The following KIAA1958 variants were observed in gnomAD, a reference collection of about 807,000 sequenced individuals.
KIAA1958 encodes KIAA1958, also known as uncharacterized protein KIAA1958.
In KIAA1958, 14 loss-of-function variants were observed where a neutral mutation model predicts 47.2. That is an observed-to-expected ratio of 0.30 (90% confidence interval 0.20 to 0.46). The LOEUF is 0.46. Among genes scored for constraint, KIAA1958 ranks in the 20% least tolerant of loss-of-function variants. The pLI, the probability that KIAA1958 is intolerant of heterozygous loss-of-function variation, is 1.00. For missense variants in KIAA1958, 803 were observed against 909.2 expected (o/e 0.88, Z 1.50); for synonymous variants, 354 against 353.3 (o/e 1.00, Z -0.02).
chr9:112,593,134 T>G (rs1312353134), intron 2 of KIAA1958, among the ~76,000 whole-genome samples: 1 of 152,236 alleles, frequency 6.6e-6, no homozygotes, highest in African/African-American at 2.4e-5. Flanking sequence ...TGATGTGTAT[T>G]GCCTTTTAAA....
At chr9:112,564,091 C>G (rs1420662541) in intron 1 of KIAA1958, among the ~76,000 whole-genome samples, 1 of 152,000 alleles carries the variant, frequency 6.6e-6, no homozygotes, top group Admixed American at 6.6e-5. Context: ...CTATAATTGT[C>G]TTTATTATAT....
chr9:112,490,335 G>A (rs527757441), intron 1 of KIAA1958, among the ~76,000 whole-genome samples: 1 of 152,276 alleles, frequency 6.6e-6, no homozygotes, highest in South Asian at 2.1e-4. Flanking sequence ...AGTTGCCTGA[G>A]GAAGCCCCAC....
chr9:112,539,879 C>T (rs927785215), intron 1 of KIAA1958, among the ~76,000 whole-genome samples: 4 of 151,802 alleles, frequency 2.6e-5, no homozygotes, highest in South Asian at 2.1e-4. Flanking sequence ...TTTTGAGTGA[C>T]GGGGTTTCAC....
intron 1 of KIAA1958, among the ~76,000 whole-genome samples, chr9:112,539,590 GTTCTAAAATTGATTGTGA>G (rs1834906959): frequency 6.6e-6 from 1 of 151,700 alleles, no homozygotes; most frequent in Non-Finnish European, 1.5e-5. Flanking sequence ...TCATGAAGAT[GTTCTAAAATTGATTGTGA>G]TTCTAAAGTC....
intron 2 of KIAA1958, among the ~76,000 whole-genome samples, chr9:112,627,887 T>C (rs1288297151): frequency 6.6e-6 from 1 of 152,276 alleles, no homozygotes; most frequent in African/African-American, 2.4e-5. Flanking sequence ...GGTTGCCTTA[T>C]GGCCATCAGG....
intron 1 of KIAA1958, among the ~76,000 whole-genome samples, chr9:112,495,958 C>T (rs1834045533): frequency 6.6e-6 from 1 of 152,074 alleles, no homozygotes; most frequent in South Asian, 2.1e-4. Context: ...AATCGTGGTG[C>T]CCAGCCAATG....
intron 1 of KIAA1958, among the ~76,000 whole-genome samples, chr9:112,552,651 A>G (rs1434174704): frequency 1.3e-5 from 2 of 152,186 alleles, no homozygotes; most frequent in Non-Finnish European, 2.9e-5. Flanking sequence ...TGAATTTGGG[A>G]TTACTCACTT....
At chr9:112,613,552 C>T (rs536204525) in intron 2 of KIAA1958, among the ~76,000 whole-genome samples, 75 of 152,004 alleles carry the variant, frequency 4.9e-4, no homozygotes, top group African/African-American at 1.7e-3. Context: ...AAAAGGCAAG[C>T]CACAGATTGG....
chr9:112,524,031 T>C (rs755734497), intron 1 of KIAA1958, among the ~76,000 whole-genome samples: 2 of 152,226 alleles, frequency 1.3e-5, no homozygotes, highest in Admixed American at 6.5e-5. Flanking sequence ...CCTATTTCCT[T>C]TTGATTTCAA....
At chr9:112,654,249 G>A (rs1294182384) in intron 3 of KIAA1958, among the ~76,000 whole-genome samples, 1 of 152,122 alleles carries the variant, frequency 6.6e-6, no homozygotes, top group African/African-American at 2.4e-5. Flanking sequence ...TAAAAAATAA[G>A]ATTTTCTACT....
intron 1 of KIAA1958, among the ~76,000 whole-genome samples, chr9:112,550,470 C>T (rs543302286): frequency 2.6e-5 from 4 of 152,214 alleles, no homozygotes; most frequent in African/African-American, 7.2e-5. Flanking sequence ...TTGACTGGGG[C>T]TTTGTGTTGG....
At chr9:112,598,457 C>T (rs910654310) in intron 2 of KIAA1958, among the ~76,000 whole-genome samples, 33 of 152,166 alleles carry the variant, frequency 2.2e-4, no homozygotes, top group African/African-American at 7.7e-4. Context: ...CCAGAAAGCT[C>T]ATACACTCAG....
intron 2 of KIAA1958, among the ~76,000 whole-genome samples, chr9:112,627,404 A>C (rs551665987): frequency 1.7e-4 from 26 of 152,314 alleles, no homozygotes; most frequent in African/African-American, 6.3e-4. Context: ...GAGGACTATG[A>C]GGTGCATACA....
chr9:112,508,139 A>G (rs1348226746), intron 1 of KIAA1958, among the ~76,000 whole-genome samples: 1 of 152,200 alleles, frequency 6.6e-6, no homozygotes, highest in Non-Finnish European at 1.5e-5. Context: ...TTCTTTTAAG[A>G]ATAGAAACCT....
chr9:112,499,994 C>G (rs184011048), intron 1 of KIAA1958, among the ~76,000 whole-genome samples: 1 of 151,986 alleles, frequency 6.6e-6, no homozygotes, highest in Non-Finnish European at 1.5e-5. Context: ...GGCCTCCTAT[C>G]TACATTTTTC....
intron 1 of KIAA1958, among the ~76,000 whole-genome samples, chr9:112,571,225 A>G (rs1588022899): frequency 6.6e-6 from 1 of 152,208 alleles, no homozygotes; most frequent in Non-Finnish European, 1.5e-5. Context: ...TGACACCTGA[A>G]TTTAAGTCCA....
intron 2 of KIAA1958, among the ~76,000 whole-genome samples, chr9:112,644,406 T>G (rs986578468): frequency 2.0e-5 from 3 of 152,152 alleles, no homozygotes; most frequent in African/African-American, 7.2e-5. Flanking sequence ...AATTTTTCAT[T>G]TTGCTGTTTC....
At position 112,645,678 on chromosome 9, in the gene KIAA1958, T is replaced by C. The variant is rs778275381; in HGVS notation, c.1200T>C (p.Pro400=). Residue 400 remains proline, a synonymous_variant, in exon 3 of 4, where the codon CCT becomes CCC. Coordinates refer to ENST00000337530, the MANE Select transcript of KIAA1958 (RefSeq NM_133465.4). The part of the protein sequence containing the change: ...PAYSTKLNKF[P]VFNINDDLND... The stretch of plus-strand genomic sequence containing the variant: ...ATTCCACTAAGCTCAACAAATTTCC[T>C]GTATTTAATATTAATGATGACTTGA... 7 of 1,607,744 alleles carry C rather than the reference T, an allele frequency of 4.4e-6. No homozygotes were observed. The South Asian group carries it at 7.8e-5, about 18-fold the overall frequency.
chr9:112,667,690 GA>G lies in KIAA1958; in HGVS notation c.*7625del, dbSNP rs1431859707. On this transcript the variant is annotated 3_prime_UTR_variant, in exon 4 of 4. Transcript: ENST00000337530. ...GGAAACAATAGAGAATTGTGAGGGG[GA>G]AAAGTTGTGACTTTGGAATTTTATA... The G allele has an allele frequency of 6.6e-6, 1 of 152,208 alleles. No individual in the cohort carries two copies. The highest frequency in any genetic ancestry group is 2.4e-5 in the African/African-American group (1 of 41,456). The allele number at this position is 152,208 out of a possible 1,614,324, so 9.4% of individuals were successfully genotyped here.
Sources: gnomAD v4.1 joint callset for allele counts (sites outside exome capture counted in the v4.1 genomes callset) on GRCh38, gnomAD v4.1.1 for gene constraint, MANE v1.5 for transcripts, NCBI Gene and HGNC (gene_info 2026-07-23, HGNC 2026-07-21) for gene names.